The following EIF4G3 variants were observed in gnomAD, a reference collection of about 807,000 sequenced individuals.
The protein encoded by EIF4G3 is eIF-4-gamma 3.
In EIF4G3, 34 loss-of-function variants were observed where a neutral mutation model predicts 186.4. That is an observed-to-expected ratio of 0.18 (90% CI 0.14 to 0.24). The LOEUF (loss-of-function observed/expected upper bound fraction) is 0.24, where lower values mean the gene tolerates loss of function less well. Ranked by LOEUF, EIF4G3 falls within the 10% of genes least tolerant of loss-of-function variation. The pLI, the probability that EIF4G3 is intolerant of heterozygous loss-of-function variation, is 1.00. For missense variants in EIF4G3, 1,536 were observed against 1,948.5 expected, an observed-to-expected ratio of 0.79 and a Z score of 3.99; for synonymous variants, 673 against 679.5, an observed-to-expected ratio of 0.99 and a Z score of 0.15.
intron 20 of EIF4G3, among the ~76,000 whole-genome samples, chr1:20,866,130 G>A (rs7519685): frequency 0.33 from 49,896 of 151,976 alleles, 8,767 homozygotes; most frequent in Non-Finnish European, 0.39. Flanking sequence ...CCAAAGTTCT[G>A]AAATGTATGT....
In EIF4G3 at chr1:20,895,481, T is replaced by A; in HGVS notation, c.2020A>T (p.Thr674Ser). ...CTGTCATACTGCTTCTTACCTTCAG[T>A]ATCAGTAGGCTTCCAGGATTCTAGA... Reference protein sequence around the residue: ...FKPESWKPTDTEGKKQYDREF... With the variant: ...FKPESWKPTDSEGKKQYDREF... The change falls in exon 17 of 37, where the codon ACT becomes TCT. Residue 674 changes from threonine to serine, a missense_variant. By Grantham distance (58) the Thr-to-Ser change is moderately conservative. This residue lies in a region of EIF4G3 where 560 missense variants were observed against 547.8 expected (regional missense o/e 1.02). Transcript: ENST00000602326. The A allele has an allele frequency of 6.2e-7, 1 of 1,614,054 alleles. No individual in the cohort carries two copies. The highest frequency in any genetic ancestry group is 1.1e-5 in the South Asian group (1 of 91,076).
intron 4 of EIF4G3, among the ~76,000 whole-genome samples, chr1:21,024,162 G>A (rs2091562705): frequency 7.6e-6 from 1 of 132,266 alleles, no homozygotes; most frequent in Non-Finnish European, 1.8e-5. Flanking sequence ...GTCCGGGAGG[G>A]AGGTGGGGGG....
Position 21,039,808 on chromosome 1 carries a change from A to G in EIF4G3, c.-67+11058T>C, listed in dbSNP as rs1227835621. On this transcript the variant is annotated intron_variant, in intron 4 of 36. Coordinates refer to ENST00000602326, the MANE Select transcript of EIF4G3 (RefSeq NM_001391906.1). Reference sequence around the variant, plus strand: ...ACATATAAAGAACTCCTACAACTCAACAACAACGAAAGAAGCAACCCAATT... The same window carrying G: ...ACATATAAAGAACTCCTACAACTCAGCAACAACGAAAGAAGCAACCCAATT... Among the ~76,000 whole-genome samples the G allele has an allele frequency of 2.6e-5, 4 of 152,212 alleles. No homozygotes were observed. The East Asian group carries it at 7.7e-4, about 29-fold the overall frequency.
At chr1:20,866,801 C>T (rs1385829401) in intron 20 of EIF4G3, among the ~76,000 whole-genome samples, 1 of 152,158 alleles carries the variant, frequency 6.6e-6, no homozygotes, top group Admixed American at 6.6e-5. Flanking sequence ...GCAGTTATAT[C>T]CAATTTGCTG....
chr1:21,134,463 GTT>G (rs1481537628), intron 2 of EIF4G3, among the ~76,000 whole-genome samples: 1 of 152,138 alleles, frequency 6.6e-6, no homozygotes, highest in East Asian at 1.9e-4. Context: ...GAGGTTAGGA[GTT>G]TAAGACCAGC....
intron 13 of EIF4G3, among the ~76,000 whole-genome samples, chr1:20,943,260 G>C (rs768531588): frequency 6.6e-6 from 1 of 152,040 alleles, no homozygotes; most frequent in Non-Finnish European, 1.5e-5. Context: ...CAATGAAAAA[G>C]AAAACAATAT....
At chr1:20,876,222 CAAAAAAAAAAA>C (rs34150070) in intron 20 of EIF4G3, among the ~76,000 whole-genome samples, 120 of 14,004 alleles carry the variant, frequency 8.6e-3, no homozygotes, top group African/African-American at 0.025. Flanking sequence ...GAGCCTGTCT[CAAAAAAAAAAA>C]AAAAAAAAAA....
At chr1:21,148,866 G>A (rs1184313609) in intron 2 of EIF4G3, among the ~76,000 whole-genome samples, 3 of 151,970 alleles carry the variant, frequency 2.0e-5, no homozygotes, top group Non-Finnish European at 2.9e-5. Flanking sequence ...TGTGTTTTCA[G>A]TAAATTGTGG....
In EIF4G3 at chr1:21,002,765, A is replaced by C. The variant is rs1397756902; in HGVS notation, c.-23T>G. Reference sequence around the variant, plus strand: ...CATTGTCTGAGGGGTTTGAGGGTATACCAGCGTGGTTGGACCTGCATTCTG... The same window carrying C: ...CATTGTCTGAGGGGTTTGAGGGTATCCCAGCGTGGTTGGACCTGCATTCTG... On this transcript the variant is annotated 5_prime_UTR_variant, in exon 5 of 37. Transcript: ENST00000602326. The C allele has an allele frequency of 6.2e-7, 1 of 1,613,746 alleles. No homozygotes were observed. The highest frequency in any genetic ancestry group is 1.3e-5 in the African/African-American group (1 of 74,888).
In EIF4G3 at chr1:20,948,935, G is replaced by C. The variant is rs1466383414; in HGVS notation, c.823+1068C>G. The stretch of plus-strand genomic sequence containing the variant: ...GAGGCAGGAGAATAGCTTGAGCCCA[G>C]GAGGAGGAGGTTGCAGTGAGTCAAG... On this transcript the variant is annotated intron_variant, in intron 13 of 36. Transcript: ENST00000602326. 4.8e-5 allele frequency among the ~76,000 whole-genome samples: 7 copies of C among 146,666 alleles called. No homozygotes were observed. The East Asian group carries it at 1.4e-3, about 29-fold the overall frequency.
intron 16 of EIF4G3, among the ~76,000 whole-genome samples, chr1:20,899,010 G>A (rs1018057510): frequency 6.6e-6 from 1 of 152,166 alleles, no homozygotes; most frequent in Admixed American, 6.5e-5. Context: ...GATTACAGGC[G>A]TGAGCCACCG....
At chr1:21,033,069 T>C (rs977217284) in intron 4 of EIF4G3, among the ~76,000 whole-genome samples, 17 of 152,196 alleles carry the variant, frequency 1.1e-4, no homozygotes, top group African/African-American at 4.1e-4. Flanking sequence ...TCTGGAAAAC[T>C]TTACACAGTA....
At chr1:21,082,086 G>A (rs1307225715) in intron 3 of EIF4G3, among the ~76,000 whole-genome samples, 2 of 151,048 alleles carry the variant, frequency 1.3e-5, no homozygotes, top group Middle Eastern at 3.4e-3. Context: ...GTGAGCCACC[G>A]TGCCTGGCCA....
In EIF4G3 at chr1:20,980,886, G is replaced by T. The variant is rs573310623; in HGVS notation, c.378+162C>A. The stretch of plus-strand genomic sequence containing the variant: ...ACAGATGTAGAAATATCTTCACACA[G>T]CATAATGAAAAATCACAAAAGGGCT... On this transcript the variant is annotated intron_variant, in intron 9 of 36. Transcript: ENST00000602326. Among the ~76,000 whole-genome samples, 41 of 152,154 alleles carry T rather than the reference G, an allele frequency of 2.7e-4. 3 individuals carry two copies. Among genetic ancestry groups the T allele is most frequent in the Non-Finnish European group, 1.2e-4 (8 of 68,024 alleles).
rs35040627 is a variant in EIF4G3 at position 21,118,931 on chromosome 1, TAAAAAAAAA to T, written c.-271-29727_-271-29719del. Among the ~76,000 whole-genome samples, 10 of 86,150 alleles carry T rather than the reference TAAAAAAAAA, an allele frequency of 1.2e-4. No individual in the cohort carries two copies. The South Asian group carries it at 1.8e-3, about 16-fold the overall frequency. 56.5% of individuals were successfully genotyped at this position (86,150 alleles called of 152,430 possible). A position where few individuals can be genotyped will look rare whatever the true frequency, so the allele number is the denominator to read the frequency against. On this transcript the variant is annotated intron_variant, in intron 2 of 36. Transcript: ENST00000602326. ...CAACATACTGAGAACCAAGCTCTAT[TAAAAAAAAA>T]AAAAAAAAAAAAAAAGAGAAGAAAT...
At chr1:21,141,023 A>T (rs1573198758) in intron 2 of EIF4G3, among the ~76,000 whole-genome samples, 2 of 152,192 alleles carry the variant, frequency 1.3e-5, no homozygotes, top group African/African-American at 4.8e-5. Context: ...TATTATAATC[A>T]TTACATTACA....
At chr1:21,126,796 G>A (rs2097055034) in intron 2 of EIF4G3, among the ~76,000 whole-genome samples, 1 of 151,930 alleles carries the variant, frequency 6.6e-6, no homozygotes, top group Admixed American at 6.6e-5. Flanking sequence ...ATTGGTTCCA[G>A]GAGTCCTGTG....
At chr1:20,834,211 G>C (rs2066091122) in intron 30 of EIF4G3, among the ~76,000 whole-genome samples, 1 of 152,128 alleles carries the variant, frequency 6.6e-6, no homozygotes, top group African/African-American at 2.4e-5. Context: ...CACTTGAAGA[G>C]GTCAAGGCAG....
At chr1:20,957,089 A>G (rs550415442) in intron 12 of EIF4G3, among the ~76,000 whole-genome samples, 2 of 152,182 alleles carry the variant, frequency 1.3e-5, no homozygotes, top group Non-Finnish European at 2.9e-5. Flanking sequence ...AAGACAATAC[A>G]CATCTGCAAT....
Sources: gnomAD v4.1 joint callset for allele counts (sites outside exome capture counted in the v4.1 genomes callset) on GRCh38, gnomAD v4.1.1 for gene constraint, gnomAD v4.1.1 regional missense constraint, MANE v1.5 for transcripts, NCBI Gene and HGNC (gene_info 2026-07-23, HGNC 2026-07-21) for gene names.